Variants in SORCS3 observed in about 807,000 individuals in gnomAD.
The protein encoded by SORCS3 is sortilin related VPS10 domain containing receptor 3, also known as VPS10 domain-containing receptor SorCS3.
A neutral mutation model predicts 146.3 loss-of-function variants in SORCS3; 57 were observed. The observed-to-expected ratio is 0.39, with a 90% CI of 0.31 to 0.49. The LOEUF is 0.49. SORCS3 is among the 20% of genes least tolerant of loss of function. SORCS3 has a pLI of 0.92. For missense variants in SORCS3, 1,341 were observed against 1,575.5 expected (o/e 0.85, Z 2.52); for synonymous variants, 653 against 618.5 (o/e 1.06, Z -0.83).
chr10:105,000,167 A>G (rs553916112), intron 4 of SORCS3, among the ~76,000 whole-genome samples: 59 of 152,198 alleles, frequency 3.9e-4, no homozygotes, highest in Non-Finnish European at 6.5e-4. Context: ...ACCAATATTT[A>G]GGGTACAGAA....
At chr10:104,793,137 C>T (rs2017513551) in intron 1 of SORCS3, among the ~76,000 whole-genome samples, 2 of 151,966 alleles carry the variant, frequency 1.3e-5, no homozygotes, top group East Asian at 1.9e-4. Flanking sequence ...TAACACAACC[C>T]GATCTCAGAG....
intron 14 of SORCS3, among the ~76,000 whole-genome samples, chr10:105,198,144 C>T (rs2056554445): frequency 6.6e-6 from 1 of 152,178 alleles, no homozygotes; most frequent in Non-Finnish European, 1.5e-5. Flanking sequence ...ACATTTTCCT[C>T]TTCTGTCTGC....
intron 1 of SORCS3, among the ~76,000 whole-genome samples, chr10:104,841,973 T>C (rs2018146573): frequency 6.6e-6 from 1 of 152,238 alleles, no homozygotes; most frequent in South Asian, 2.1e-4. Context: ...CCTAAGCCAC[T>C]GCCCGGATGC....
intron 14 of SORCS3, among the ~76,000 whole-genome samples, chr10:105,180,813 A>C (rs572614791): frequency 6.6e-6 from 1 of 152,156 alleles, no homozygotes; most frequent in East Asian, 1.9e-4. Flanking sequence ...TAAACAACTA[A>C]ATTTCTAAGT....
In SORCS3 at chr10:104,696,382, T is replaced by C. The variant is rs1488852153; in HGVS notation, c.627+54428T>C. ...TATATCATATATAGTATATAATATA[T>C]ATTATATAATATATAATATATAATA... On this transcript the variant is annotated intron_variant, in intron 1 of 26. Transcript: ENST00000369701. Among the ~76,000 whole-genome samples the C allele has an allele frequency of 3.9e-4, 19 of 49,172 alleles. 7 individuals carry two copies. The highest frequency in any genetic ancestry group is 4.6e-4 in the African/African-American group (7 of 15,272). 32.3% of individuals were successfully genotyped at this position (49,172 alleles called of 152,430 possible).
intron 8 of SORCS3, among the ~76,000 whole-genome samples, chr10:105,143,321 T>A (rs1396904915): frequency 6.6e-6 from 1 of 152,182 alleles, no homozygotes; most frequent in East Asian, 1.9e-4. Flanking sequence ...GTTGTTCTTG[T>A]ATTCTGCATG....
intron 1 of SORCS3, among the ~76,000 whole-genome samples, chr10:104,688,093 T>C (rs1429629081): frequency 6.6e-6 from 1 of 152,262 alleles, no homozygotes; most frequent in African/African-American, 2.4e-5. Flanking sequence ...GTTGTTTATC[T>C]GAAATTCAAA....
At chr10:105,260,813 T>A (rs558575474) in intron 25 of SORCS3, among the ~76,000 whole-genome samples, 1 of 152,314 alleles carries the variant, frequency 6.6e-6, no homozygotes, top group Non-Finnish European at 1.5e-5. Flanking sequence ...GGGTGTCCGA[T>A]GTCCCAAGTT....
chr10:104,730,963 G>A (rs1228089514), intron 1 of SORCS3, among the ~76,000 whole-genome samples: 1 of 152,198 alleles, frequency 6.6e-6, no homozygotes, highest in Non-Finnish European at 1.5e-5. Flanking sequence ...GCTGAGTTTA[G>A]GCTTTCTGTT....
At chr10:104,735,456 G>GTTTTTTTTTTTGTTT (rs2016757842) in intron 1 of SORCS3, among the ~76,000 whole-genome samples, 1 of 34,994 alleles carries the variant, frequency 2.9e-5, no homozygotes, top group Non-Finnish European at 4.8e-5. Flanking sequence ...CTCACCGTCT[G>GTTTTTTTTTTTGTTT]TTTTTTTTTT....
intron 5 of SORCS3, among the ~76,000 whole-genome samples, chr10:105,089,541 G>A (rs989052323): frequency 5.3e-5 from 8 of 152,192 alleles, no homozygotes; most frequent in South Asian, 2.1e-4. Context: ...TCTTTGAATC[G>A]TTGACTTATT....
At chr10:105,039,340 AT>A (rs1006843856) in intron 4 of SORCS3, among the ~76,000 whole-genome samples, 7 of 151,886 alleles carry the variant, frequency 4.6e-5, no homozygotes, top group South Asian at 4.2e-4. Flanking sequence ...ATTCAATTTA[AT>A]TTTTTTTCCA....
intron 5 of SORCS3, among the ~76,000 whole-genome samples, chr10:105,076,255 C>T (rs1025377672): frequency 5.9e-5 from 9 of 152,126 alleles, no homozygotes; most frequent in Non-Finnish European, 1.2e-4. Flanking sequence ...TACCAAAGCT[C>T]CTCTCTGAAC....
intron 14 of SORCS3, among the ~76,000 whole-genome samples, chr10:105,196,029 AG>A (rs2119603937): frequency 7.0e-6 from 1 of 143,262 alleles, no homozygotes; most frequent in South Asian, 2.5e-4. Context: ...TGTACCTGTG[AG>A]GATTGCAAAA....
intron 1 of SORCS3, among the ~76,000 whole-genome samples, chr10:104,718,021 C>T (rs1274786169): frequency 6.6e-6 from 1 of 152,088 alleles, no homozygotes; most frequent in East Asian, 1.9e-4. Context: ...TGGCAGGTGC[C>T]TGTAATCCCA....
chr10:104,991,174 C>T lies in SORCS3; in HGVS notation c.954+13681C>T, dbSNP rs149312692. On this transcript the variant is annotated intron_variant, in intron 4 of 26. Transcript: ENST00000369701. ...CTGAAATAAGAAAAGTTTCTCCTTG[C>T]GGGTGGAAAAAAAAATGTTCTCTAT... is the stretch of plus-strand genomic sequence containing the variant. Among the ~76,000 whole-genome samples the T allele has an allele frequency of 1.1e-3, 167 of 151,782 alleles. 1 individual carries two copies. The East Asian group carries it at 0.023, about 21-fold the overall frequency.
chr10:105,007,254 G>A (rs1270648178), intron 4 of SORCS3, among the ~76,000 whole-genome samples: 1 of 152,124 alleles, frequency 6.6e-6, no homozygotes, highest in East Asian at 1.9e-4. Context: ...TGTTATGAGA[G>A]ATACAGAAAA....
intron 5 of SORCS3, among the ~76,000 whole-genome samples, chr10:105,059,753 G>A (rs1281992784): frequency 6.6e-6 from 1 of 152,170 alleles, no homozygotes; most frequent in Non-Finnish European, 1.5e-5. Context: ...ACAAGCGGAA[G>A]CTCTGTCATT....
intron 19 of SORCS3, among the ~76,000 whole-genome samples, chr10:105,220,066 G>T (rs186536170): frequency 1.3e-5 from 2 of 152,210 alleles, no homozygotes; most frequent in East Asian, 1.9e-4. Flanking sequence ...AACCAATCTC[G>T]CACAGATTAT....
Sources: gnomAD v4.1 joint callset for allele counts (sites outside exome capture counted in the v4.1 genomes callset) on GRCh38, gnomAD v4.1.1 for gene constraint, MANE v1.5 for transcripts, NCBI Gene and HGNC (gene_info 2026-07-23, HGNC 2026-07-21) for gene names.